The following F13B variants were observed in gnomAD, a reference collection of about 807,000 sequenced individuals.
F13B encodes the protein coagulation factor XIII B chain.
A neutral mutation model predicts 79.8 loss-of-function variants in F13B; 58 were observed. The observed-to-expected ratio is 0.73, with a 90% CI of 0.59 to 0.90. F13B has a LOEUF of 0.90. Ranked by LOEUF, F13B falls within the 40% of genes least tolerant of loss-of-function variation. F13B has a pLI of 0.00. For missense variants in F13B, 773 were observed against 777.0 expected, an observed-to-expected ratio of 0.99 and a Z score of 0.06; for synonymous variants, 283 against 260.3, an observed-to-expected ratio of 1.09 and a Z score of -0.84.
chr1:197,053,571 T>C (rs1362719105), intron 8 of F13B, among the ~76,000 whole-genome samples: 1 of 152,122 alleles, frequency 6.6e-6, no homozygotes, highest in Non-Finnish European at 1.5e-5. Context: ...ATTAAATCTC[T>C]TTCCTTTATA....
Position 197,062,864 on chromosome 1 carries a change from C to G in F13B, c.258G>C (p.Arg86Ser), listed in dbSNP as rs956705006. 3 of 1,613,606 alleles carry G rather than the reference C, an allele frequency of 1.9e-6. No homozygotes were observed. Among genetic ancestry groups the G allele is most frequent in the Non-Finnish European group, 2.5e-6 (3 of 1,179,730 alleles). ...CATATCCAGCTGACTTACTGAAGCA[C>G]CTTGGCTCTGGAGACCAGCCTTCTG... ...CTTEGWSPEP[R>S]CFKKCTKPDL... The change falls in exon 2 of 12, where the codon AGG (arginine) becomes AGC (serine). Residue 86 changes from arginine (R) to serine (S), a missense_variant. Arg to Ser is a moderately radical substitution (Grantham distance 110, BLOSUM62 -1). Transcript: ENST00000367412.
Position 197,055,882 on chromosome 1 carries a change from C to T in F13B, c.1187G>A (p.Cys396Tyr). 1.2e-6 allele frequency: 2 copies of T among 1,613,306 alleles called. No individual in the cohort carries two copies. The highest frequency in any genetic ancestry group is 1.7e-6 in the Non-Finnish European group (2 of 1,179,570). Residue 396 changes from cysteine to tyrosine, a missense_variant, in exon 8 of 12, where the codon TGT (cysteine) becomes TAT (tyrosine). Cys to Tyr is a radical substitution (Grantham distance 194). Transcript: ENST00000367412. ...PPECVENNEN[C>Y]KHPPVVMNGA... ...ATTCATTACAACAGGAGGATGCTTACAATTCTCATTATTTTCTAAGAAAAG... is the reference window on the plus strand; with the variant it reads ...ATTCATTACAACAGGAGGATGCTTATAATTCTCATTATTTTCTAAGAAAAG...
In F13B at chr1:197,055,846, G is replaced by C. The variant is rs765362074; in HGVS notation, c.1223C>G (p.Ala408Gly). Residue 408 changes from alanine (A) to glycine (G), a missense_variant, in exon 8 of 12, where the codon GCA becomes GGA. Coordinates refer to ENST00000367412, the MANE Select transcript of F13B (RefSeq NM_001994.3). ...HPPVVMNGAV[A>G]DGILASYATG... ...TGCATAGCTTGCCAATATCCCGTCT[G>C]CAACAGCCCCATTCATTACAACAGG... 3.7e-6 allele frequency: 6 copies of C among 1,613,444 alleles called. No individual in the cohort carries two copies. The Admixed American group carries it at 8.4e-5, about 22-fold the overall frequency.
intron 10 of F13B, among the ~76,000 whole-genome samples, chr1:197,042,494 G>T (rs1043900555): frequency 2.6e-5 from 4 of 151,720 alleles, no homozygotes; most frequent in African/African-American, 9.7e-5. Flanking sequence ...AGGAAGTAAG[G>T]TTCTGGAAAA....
At chr1:197,048,467 G>T (rs1227129966) in intron 10 of F13B, among the ~76,000 whole-genome samples, 1 of 151,854 alleles carries the variant, frequency 6.6e-6, no homozygotes, top group East Asian at 1.9e-4. Context: ...CTTGTCAAAA[G>T]CCCCTTGGTG....
chr1:197,060,804 A>G, intron 4 of F13B, 95 bp downstream of exon 4: 1 of 1,174,144 alleles, frequency 8.5e-7, no homozygotes, highest in Non-Finnish European at 1.3e-6. Context: ...ATGCATGAAA[A>G]GGTGAAACAT....
At position 197,061,925 on chromosome 1, in the gene F13B, C is replaced by T. The variant is rs765179050; in HGVS notation, c.310G>A (p.Val104Ile). ...TCTTGAATTTTATACAATAACTTTA[C>T]ATCAGAGATGTAACCATTACTCAGG... ...PDLSNGYISD[V>I]KLLYKIQENM... Residue 104 changes from valine to isoleucine, a missense_variant, in exon 3 of 12, where the codon GTA (valine) becomes ATA (isoleucine). Transcript: ENST00000367412. The T allele has an allele frequency of 1.9e-6, 3 of 1,612,914 alleles. No individual in the cohort carries two copies. The highest frequency in any genetic ancestry group is 2.2e-5 in the East Asian group (1 of 44,800).
chr1:197,061,760 A>C, intron 3 of F13B, 24 bp downstream of exon 3: 1 of 1,599,152 alleles, frequency 6.3e-7, no homozygotes, highest in Non-Finnish European at 8.6e-7. Context: ...ACTTATCTTC[A>C]GTTTTAGGAA....
At chr1:197,061,119 C>T (rs200337513) in intron 3 of F13B, 44 bp from the exon 4 acceptor site, 3 of 955,378 alleles carry the variant, frequency 3.1e-6, no homozygotes, top group Admixed American at 2.9e-5. Context: ...TTTTTAATAA[C>T]CTAGATTATA....
chr1:197,051,284 C>T (rs187684206), intron 9 of F13B, among the ~76,000 whole-genome samples: 1 of 152,208 alleles, frequency 6.6e-6, no homozygotes, highest in Admixed American at 6.5e-5. Context: ...TTATACCATA[C>T]AATGTATTTT....
chr1:197,054,123 G>T (rs573749999), intron 8 of F13B, among the ~76,000 whole-genome samples: 13 of 152,140 alleles, frequency 8.5e-5, no homozygotes, highest in Non-Finnish European at 1.8e-4. Context: ...TGATAACAAT[G>T]ATTAATCTTC....
At chr1:197,040,482 C>A (rs1654995532) in intron 11 of F13B, 40 bp downstream of exon 11, 2 of 1,436,306 alleles carry the variant, frequency 1.4e-6, no homozygotes, top group African/African-American at 2.8e-5. Flanking sequence ...AACAATCTGA[C>A]CAAAAAAAAT....
Position 197,058,184 on chromosome 1 carries a change from T to C in F13B, c.806-719A>G, listed in dbSNP as rs191368214. ...TACCTCTTTTAGTCCTAAAATAACT[T>C]TATTAAGTAGGAACTATTATTTCTC... On this transcript the variant is annotated intron_variant, in intron 5 of 11. Transcript: ENST00000367412. Among the ~76,000 whole-genome samples the C allele has an allele frequency of 8.0e-4, 122 of 152,290 alleles. No homozygotes were observed. In the East Asian group the frequency reaches 0.018, roughly 22 times the overall value.
At chr1:197,057,745 T>C (rs1380776568) in intron 5 of F13B, among the ~76,000 whole-genome samples, 3 of 151,862 alleles carry the variant, frequency 2.0e-5, no homozygotes, top group Admixed American at 2.0e-4. Context: ...TTTAACGCCA[T>C]TCTTGCCAAG....
intron 1 of F13B, among the ~76,000 whole-genome samples, 197 bp from the exon 2 acceptor site, chr1:197,063,254 C>A (rs1355174643): frequency 6.6e-6 from 1 of 152,146 alleles, no homozygotes; most frequent in Admixed American, 6.5e-5. Flanking sequence ...TGACTTTAAA[C>A]ATCCAACAGT....
Position 197,040,502 on chromosome 1 carries a change from A to T in F13B, c.1952+20T>A, listed in dbSNP as rs1434557051. On this transcript the variant is annotated intron_variant, in intron 11 of 11. Transcript: ENST00000367412. ...TCTGACCAAAAAAAATAATCTGACCAAAAAAAAAAAACTTCTTACCTTTGT... is the reference window on the plus strand; with the variant it reads ...TCTGACCAAAAAAAATAATCTGACCTAAAAAAAAAAACTTCTTACCTTTGT... 1 of 1,017,614 alleles carries T rather than the reference A, an allele frequency of 9.8e-7. No homozygotes were observed. The highest frequency in any genetic ancestry group is 1.7e-5 in the African/African-American group (1 of 59,866). The allele number at this position is 1,017,614 out of a possible 1,614,324, so 63.0% of individuals were successfully genotyped here. A position where few individuals can be genotyped will look rare whatever the true frequency, so the allele number is the denominator to read the frequency against.
chr1:197,047,115 C>G lies in F13B; in HGVS notation c.1738+3582G>C, dbSNP rs563126921. Among the ~76,000 whole-genome samples the G allele has an allele frequency of 2.3e-4, 35 of 152,254 alleles. 1 individual carries two copies. The highest frequency in any genetic ancestry group is 8.4e-4 in the African/African-American group (35 of 41,542). ...ATAGGCATTGGCAAGTACTTCATGA[C>G]TAAAACACCAAAAGTAATGGCAACA... On this transcript the variant is annotated intron_variant, in intron 10 of 11. Transcript: ENST00000367412.
chr1:197,062,329 TATAAA>T (rs1267098674), intron 2 of F13B, among the ~76,000 whole-genome samples: 1 of 152,162 alleles, frequency 6.6e-6, no homozygotes. Context: ...TGTAGCCTGA[TATAAA>T]ATAATGAAAT....
chr1:197,049,355 A>G (rs897826858), intron 10 of F13B, among the ~76,000 whole-genome samples: 9 of 152,018 alleles, frequency 5.9e-5, no homozygotes, highest in African/African-American at 2.2e-4. Flanking sequence ...AAATGTATAG[A>G]CCCTTAGCAA....
Sources: allele counts gnomAD v4.1 joint callset (sites outside exome capture counted in the v4.1 genomes callset), GRCh38; gene constraint gnomAD v4.1.1; transcripts MANE v1.5; gene names NCBI Gene and HGNC (gene_info 2026-07-23, HGNC 2026-07-21).